The following TRRAP variants were observed in gnomAD, a reference collection of about 807,000 sequenced individuals.
TRRAP encodes the protein transformation/transcription domain associated protein.
Under a neutral mutation model 438.8 loss-of-function variants are expected in TRRAP, and 41 were observed. The observed-to-expected ratio is 0.09, with a 90% CI of 0.07 to 0.12. TRRAP has a LOEUF of 0.12. Among genes scored for constraint, TRRAP ranks in the 10% least tolerant of loss-of-function variants. The probability of loss-of-function intolerance (pLI) is 1.00; values close to 1 mark genes in which losing one functional copy is unlikely to be tolerated. For synonymous variants in TRRAP, 1,994 were observed against 1,962.9 expected, an observed-to-expected ratio of 1.02 and a Z score of -0.42; for missense variants, 3,122 against 5,055.1, an observed-to-expected ratio of 0.62 and a Z score of 11.60.
chr7:98,926,750 A>C (rs1262734990), intron 22 of TRRAP, among the ~76,000 whole-genome samples: 1 of 152,020 alleles, frequency 6.6e-6, no homozygotes, highest in African/African-American at 2.4e-5. Flanking sequence ...ACGTGCTGTA[A>C]TCCCAGCACT....
At position 99,005,162 on chromosome 7, in the gene TRRAP, CACA is replaced by C; in HGVS notation, c.10571_10573del (p.Asn3524del). 1.2e-6 allele frequency: 2 copies of C among 1,613,932 alleles called. No individual in the cohort carries two copies. Among genetic ancestry groups the C allele is most frequent in the Non-Finnish European group, 1.7e-6 (2 of 1,180,026 alleles). ...GCCCCGGGTAGAGATTGTGCAGAAG[CACA>C]ACACCGCAGCCCGGCGGCTGTACAT... On this transcript the variant is annotated inframe_deletion, in exon 69 of 73. Coordinates refer to ENST00000456197, the MANE Select transcript of TRRAP (RefSeq NM_001375524.1). This position sits in a 1 kb window ranked among gnomAD's most constrained non-coding sequence, Gnocchi z 5.1.
chr7:98,910,217 T>TCCCCCCCCCCCCCCCC lies in TRRAP; in HGVS notation c.1512_1513insCCCCCCCCCCCCCCCC (p.Ala505ProfsTer73). On this transcript the variant is annotated frameshift_variant, in exon 15 of 73. Coordinates refer to ENST00000456197, the MANE Select transcript of TRRAP (RefSeq NM_001375524.1). LOFTEE classifies it high-confidence loss of function. Reference sequence around the variant, plus strand: ...CTGCTCCCTCCCCAGCCCCTGTCCCTGCCCCACCTCCACCCCCGCCCCCAC... The same window carrying TCCCCCCCCCCCCCCCC: ...CTGCTCCCTCCCCAGCCCCTGTCCCTCCCCCCCCCCCCCCCCGCCCCACCTCCACCCCCGCCCCCAC... 2 of 1,045,584 alleles carry TCCCCCCCCCCCCCCCC rather than the reference T, an allele frequency of 1.9e-6. No homozygotes were observed. The highest frequency in any genetic ancestry group is 2.5e-6 in the Non-Finnish European group (2 of 806,026). The allele number at this position is 1,045,584 out of a possible 1,614,324, so 64.8% of individuals were successfully genotyped here. A position where few individuals can be genotyped will look rare whatever the true frequency, so the allele number is the denominator to read the frequency against.
At chr7:98,998,026 G>A (rs1398953677) in intron 67 of TRRAP, among the ~76,000 whole-genome samples, 1 of 152,176 alleles carries the variant, frequency 6.6e-6, no homozygotes, top group African/African-American at 2.4e-5. Flanking sequence ...CTCCAAAGAG[G>A]ACTGACTTGG....
At position 98,895,702 on chromosome 7, in the gene TRRAP, T is replaced by G. The variant is rs1796166237; in HGVS notation, c.451-62T>G. 3.6e-6 allele frequency: 5 copies of G among 1,392,160 alleles called. No homozygotes were observed. In the South Asian group the frequency reaches 6.9e-5, roughly 19 times the overall value. The allele number at this position is 1,392,160 out of a possible 1,614,324, so 86.2% of individuals were successfully genotyped here. On this transcript the variant is annotated intron_variant, in intron 6 of 72. Transcript: ENST00000456197. ...GTAAGACAATTACAACTTTTCTTAT[T>G]TATTATGGGTATTTTCTGTTTATGA...
In TRRAP at chr7:99,012,079, C is replaced by T; in HGVS notation, c.11346C>T (p.Gly3782=). The T allele has an allele frequency of 6.2e-7, 1 of 1,613,228 alleles. No homozygotes were observed. Among genetic ancestry groups the T allele is most frequent in the South Asian group, 1.1e-5 (1 of 91,058 alleles). The part of the protein sequence containing the change: ...CFAQPNFKVD[G]ILKTVLRDEI... ...TTCTCTCCCTCACGCAGGTGGATGGCATTCTGAAAACGGTTCTCCGGGACG... is the reference window on the plus strand; with the variant it reads ...TTCTCTCCCTCACGCAGGTGGATGGTATTCTGAAAACGGTTCTCCGGGACG... The change falls in exon 73 of 73, where the codon GGC becomes GGT. Residue 3782 remains glycine (G), a synonymous_variant. Coordinates refer to ENST00000456197, the MANE Select transcript of TRRAP (RefSeq NM_001375524.1). The surrounding 1 kb of genome is among the most constrained non-coding windows in gnomAD (Gnocchi z 5.9).
rs770126418 is a variant in TRRAP, at chr7:99,012,381, T to C, written c.*26T>C. The C allele has an allele frequency of 6.4e-7, 1 of 1,567,246 alleles. No homozygotes were observed. The highest frequency in any genetic ancestry group is 8.7e-7 in the Non-Finnish European group (1 of 1,154,296). On this transcript the variant is annotated 3_prime_UTR_variant, in exon 73 of 73. Transcript: ENST00000456197. This position sits in a 1 kb window ranked among gnomAD's most constrained non-coding sequence, Gnocchi z 5.9. ...CTGTGGCCGCCACGGCCACCCGGAA[T>C]GTGAAGGGCGCTCCGGGCTCTGAGC... is the stretch of plus-strand genomic sequence containing the variant.
At chr7:98,953,031 TTGTGTGTGTGTGTGTGTGTGTGTGTG>T (rs57047314) in intron 39 of TRRAP, 110 bp from the exon 40 acceptor site, 5 of 1,170,092 alleles carry the variant, frequency 4.3e-6, no homozygotes, top group Non-Finnish European at 2.4e-6. Flanking sequence ...TCATGTTACA[TTGTGTGTGTGTGTGTGTGTGTGTGTG>T]TGTGTGTGTG....
intron 33 of TRRAP, among the ~76,000 whole-genome samples, chr7:98,946,175 C>T (rs1031548539): frequency 3.3e-5 from 5 of 152,120 alleles, no homozygotes; most frequent in South Asian, 2.1e-4. Flanking sequence ...CTCTTAAGTT[C>T]GTGTGAGAAT....
chr7:99,008,111 A>T (rs1354691507), intron 69 of TRRAP, among the ~76,000 whole-genome samples: 4 of 152,214 alleles, frequency 2.6e-5, no homozygotes, highest in Non-Finnish European at 5.9e-5. Context: ...GGCGTGAGCC[A>T]CTGTGTCCGG....
intron 52 of TRRAP, 35 bp downstream of exon 52, chr7:98,970,326 G>A (rs374569919): frequency 6.2e-7 from 1 of 1,601,722 alleles, no homozygotes; most frequent in Non-Finnish European, 8.5e-7. Context: ...GAATCCCAGA[G>A]AGGAGGTGAG....
chr7:98,920,857 G>T (rs1189694250), intron 20 of TRRAP, among the ~76,000 whole-genome samples: 3 of 150,248 alleles, frequency 2.0e-5, no homozygotes, highest in African/African-American at 4.9e-5. Context: ...TTTTTTTTTT[G>T]AGATGAAGTT....
chr7:98,900,540 G>T, intron 10 of TRRAP, 84 bp from the exon 11 acceptor site: 2 of 1,145,022 alleles, frequency 1.7e-6, no homozygotes, highest in East Asian at 2.4e-5. Flanking sequence ...CAATCTTTTG[G>T]GTTTAGTAAT....
At chr7:98,912,462 G>A (rs1325517546) in intron 18 of TRRAP, among the ~76,000 whole-genome samples, 1 of 150,786 alleles carries the variant, frequency 6.6e-6, no homozygotes, top group Non-Finnish European at 1.5e-5. Context: ...AGTACTCTTC[G>A]AAGTAGTAAA....
Position 98,994,627 on chromosome 7 carries a change from C to G in TRRAP, c.10088C>G (p.Ser3363Cys), listed in dbSNP as rs1428486232. 3 of 1,614,026 alleles carry G rather than the reference C, an allele frequency of 1.9e-6. No individual in the cohort carries two copies. ...QLQQGLAKCY[S>C]VAFEKSGAVS... ...CAACAGGGCCTGGCGAAATGTTACTCCGTGGCGTTTGAGAAAAGTGGAGCG... is the reference window on the plus strand; with the variant it reads ...CAACAGGGCCTGGCGAAATGTTACTGCGTGGCGTTTGAGAAAAGTGGAGCG... The change falls in exon 67 of 73, where the codon TCC becomes TGC. Residue 3363 changes from serine to cysteine, a missense_variant. Around this residue, in one of 24 missense-constraint regions of TRRAP, gnomAD observed 107 missense variants for 327.5 expected, o/e 0.33. Transcript: ENST00000456197. The surrounding 1 kb of genome is among the most constrained non-coding windows in gnomAD (Gnocchi z 4.8).
intron 67 of TRRAP, among the ~76,000 whole-genome samples, chr7:98,995,512 C>G (rs576286720): frequency 1.3e-5 from 2 of 152,156 alleles, no homozygotes; most frequent in South Asian, 4.2e-4. Context: ...GTCTGTAGTT[C>G]AGATTAATGC....
Position 98,937,808 on chromosome 7 carries a change from T to C in TRRAP, c.4392T>C (p.Cys1464=), listed in dbSNP as rs782782468. 1.9e-6 allele frequency: 3 copies of C among 1,612,808 alleles called. No homozygotes were observed. The part of the protein sequence containing the change: ...LFPNSFNDKF[C]DQMMQHLRKW... ...CAAATTCCTTCAATGATAAATTTTG[T>C]GATCAGATGATGGTAAGCCAAATGC... The change falls in exon 30 of 73, where the codon TGT becomes TGC. Residue 1464 remains cysteine, a synonymous_variant. Transcript: ENST00000456197.
At chr7:98,967,772 G>A in intron 51 of TRRAP, 74 bp downstream of exon 51, 1 of 1,348,602 alleles carries the variant, frequency 7.4e-7, no homozygotes. Context: ...AAAGCCAGGA[G>A]GTGTTCACAC....
intron 23 of TRRAP, among the ~76,000 whole-genome samples, chr7:98,929,159 C>A (rs1790208033): frequency 6.6e-6 from 1 of 152,056 alleles, no homozygotes; most frequent in East Asian, 1.9e-4. Context: ...TCAGGCTGGT[C>A]TCATACTCCT....
chr7:98,879,879 G>A (rs1554402741), intron 1 of TRRAP, among the ~76,000 whole-genome samples: 1 of 152,210 alleles, frequency 6.6e-6, no homozygotes, highest in African/African-American at 2.4e-5. Context: ...GGCCTGCAAA[G>A]GAGGTCCTGG....
Sources: allele counts gnomAD v4.1 joint callset (sites outside exome capture counted in the v4.1 genomes callset), GRCh38; gene constraint gnomAD v4.1.1; regional missense constraint gnomAD v4.1.1; non-coding constraint Gnocchi (gnomAD v3.1); transcripts MANE v1.5; gene names NCBI Gene and HGNC (gene_info 2026-07-23, HGNC 2026-07-21).